MAP3K5: variants seen among roughly 807,000 people sequenced by gnomAD.
MAP3K5 encodes the protein mitogen-activated protein kinase kinase kinase 5.
Under a neutral mutation model 158.7 loss-of-function variants are expected in MAP3K5, and 56 were observed. The observed-to-expected ratio is 0.35, with a 90% CI of 0.28 to 0.44. The LOEUF (loss-of-function observed/expected upper bound fraction) is 0.44, where lower values mean the gene tolerates loss of function less well. MAP3K5 is among the 20% of genes least tolerant of loss of function. MAP3K5 has a pLI of 1.00. For synonymous variants in MAP3K5, 579 were observed against 601.7 expected, an observed-to-expected ratio of 0.96 and a Z score of 0.55; for missense variants, 1,294 against 1,674.8, an observed-to-expected ratio of 0.77 and a Z score of 3.97.
At chr6:136,590,178 G>A (rs190052686) in intron 23 of MAP3K5, among the ~76,000 whole-genome samples, 236 of 152,266 alleles carry the variant, frequency 1.5e-3, no homozygotes, top group African/African-American at 5.5e-3. Context: ...AGTTGAAGCA[G>A]CATGAGGCCC....
intron 1 of MAP3K5, among the ~76,000 whole-genome samples, chr6:136,752,592 A>G (rs1783263750): frequency 6.6e-6 from 1 of 152,010 alleles, no homozygotes; most frequent in South Asian, 2.1e-4. Flanking sequence ...TTGTATTTTT[A>G]GTAGAGATGG....
Position 136,613,372 on chromosome 6 carries a change from GA to G in MAP3K5, c.2279-117del. ...TCATTGGTTCTTCACAGTGGCCCAG[GA>G]GCTATACTGGATATCGGGCTCAAAC... On this transcript the variant is annotated intron_variant, in intron 16 of 29. Coordinates refer to ENST00000359015, the MANE Select transcript of MAP3K5 (RefSeq NM_005923.4). The surrounding 1 kb of genome is among the most constrained non-coding windows in gnomAD (Gnocchi z 4.0). 4 of 812,718 alleles carry G rather than the reference GA, an allele frequency of 4.9e-6. No individual in the cohort carries two copies. The South Asian group carries it at 8.8e-5, about 18-fold the overall frequency. The allele number at this position is 812,718 out of a possible 1,614,324, so 50.3% of individuals were successfully genotyped here. A position where few individuals can be genotyped will look rare whatever the true frequency, so the allele number is the denominator to read the frequency against.
chr6:136,639,557 T>C lies in MAP3K5; in HGVS notation c.1920A>G (p.Glu640=), dbSNP rs1346804871. The C allele has an allele frequency of 6.3e-7, 1 of 1,585,056 alleles. No individual in the cohort carries two copies. Among genetic ancestry groups the C allele is most frequent in the Non-Finnish European group, 8.6e-7 (1 of 1,162,902 alleles). ...SDDFQIYFCT[E]LHCKKFFEMV... is the part of the protein sequence containing the mutation. ...CTAATACGTACTTTTTACAATGAAGTTCTGTACAGAAATAGATTTGGAAAT... is the reference window on the plus strand; with the variant it reads ...CTAATACGTACTTTTTACAATGAAGCTCTGTACAGAAATAGATTTGGAAAT... The change falls in exon 13 of 30, where the codon GAA becomes GAG. Residue 640 remains glutamate, a synonymous_variant. Transcript: ENST00000359015.
chr6:136,775,777 T>C (rs1368037510), intron 1 of MAP3K5, among the ~76,000 whole-genome samples: 1 of 152,214 alleles, frequency 6.6e-6, no homozygotes, highest in South Asian at 2.1e-4. Context: ...ACAGTGCAAT[T>C]TTGCTTGAAA....
intron 20 of MAP3K5, among the ~76,000 whole-genome samples, chr6:136,601,402 G>C (rs1173422747): frequency 6.6e-6 from 1 of 152,010 alleles, no homozygotes; most frequent in African/African-American, 2.4e-5. Context: ...TGCCTTAAAA[G>C]AACCTATTAC....
chr6:136,599,323 C>A (rs1562535531), intron 21 of MAP3K5, among the ~76,000 whole-genome samples: 1 of 152,066 alleles, frequency 6.6e-6, no homozygotes, highest in African/African-American at 2.4e-5. Flanking sequence ...GGGACTGCCC[C>A]TTTTTCTAGG....
At chr6:136,654,193 GATCCCTTACACA>G (rs1778643262) in intron 10 of MAP3K5, among the ~76,000 whole-genome samples, 1 of 152,148 alleles carries the variant, frequency 6.6e-6, no homozygotes, top group Non-Finnish European at 1.5e-5. Flanking sequence ...AGGTCCTCAG[GATCCCTTACACA>G]ATCCTATCAT....
At chr6:136,689,271 G>T (rs1301296347) in intron 7 of MAP3K5, among the ~76,000 whole-genome samples, 1 of 152,216 alleles carries the variant, frequency 6.6e-6, no homozygotes, top group Non-Finnish European at 1.5e-5. Context: ...CTGTACTCCA[G>T]CCTAGACAAC....
intron 21 of MAP3K5, among the ~76,000 whole-genome samples, chr6:136,596,812 C>T (rs769995883): frequency 6.6e-6 from 1 of 152,178 alleles, no homozygotes; most frequent in Non-Finnish European, 1.5e-5. Context: ...ATGACGATTT[C>T]CAGGCAAGTG....
intron 15 of MAP3K5, among the ~76,000 whole-genome samples, chr6:136,618,225 CT>C (rs956832046): frequency 1.3e-5 from 2 of 152,220 alleles, no homozygotes; most frequent in African/African-American, 4.8e-5. Context: ...TGCTTTGTAA[CT>C]GTAACTGCTA....
At chr6:136,730,518 G>A (rs938555886) in intron 1 of MAP3K5, among the ~76,000 whole-genome samples, 1 of 151,402 alleles carries the variant, frequency 6.6e-6, no homozygotes, top group Admixed American at 6.6e-5. Flanking sequence ...TCAGGAGATC[G>A]AGACCATCCT....
At chr6:136,636,848 A>G (rs1777661026) in intron 14 of MAP3K5, 5 of 987,336 alleles carry the variant, frequency 5.1e-6, no homozygotes, top group Non-Finnish European at 6.0e-6. Flanking sequence ...ACATTAATAA[A>G]AGGATTCCAG....
chr6:136,576,238 C>G (rs1014962902), intron 25 of MAP3K5, among the ~76,000 whole-genome samples: 1 of 152,044 alleles, frequency 6.6e-6, no homozygotes, highest in Non-Finnish European at 1.5e-5. Flanking sequence ...TTCAGGTTGG[C>G]TCTAGTGTCC....
intron 13 of MAP3K5, 43 bp downstream of exon 13, chr6:136,639,500 C>G (rs1364306449): frequency 1.9e-6 from 2 of 1,056,704 alleles, no homozygotes; most frequent in African/African-American, 3.2e-5. Context: ...AAATAATGAT[C>G]AGGTAAGAAG....
intron 14 of MAP3K5, among the ~76,000 whole-genome samples, chr6:136,625,441 A>G (rs1179805877): frequency 6.6e-6 from 1 of 152,212 alleles, no homozygotes; most frequent in Non-Finnish European, 1.5e-5. Flanking sequence ...ACACAAAACC[A>G]GGCCCTTGGT....
intron 29 of MAP3K5, 30 bp from the exon 30 acceptor site, chr6:136,557,848 C>G (rs533774529): frequency 3.4e-6 from 5 of 1,468,240 alleles, no homozygotes; most frequent in Non-Finnish European, 1.9e-6. Context: ...CATGGTGAAA[C>G]GAACATTTCA....
At chr6:136,678,697 C>G (rs1314472756) in intron 7 of MAP3K5, among the ~76,000 whole-genome samples, 1 of 151,748 alleles carries the variant, frequency 6.6e-6, no homozygotes, top group East Asian at 1.9e-4. Flanking sequence ...TTTATTTTAG[C>G]ACTAAATATT....
chr6:136,580,794 T>C (rs1004943277), intron 24 of MAP3K5, among the ~76,000 whole-genome samples: 1 of 152,128 alleles, frequency 6.6e-6, no homozygotes, highest in Admixed American at 6.5e-5. Flanking sequence ...TTATTTTCAA[T>C]TACTTCTTCT....
chr6:136,647,569 T>C (rs1349770954), intron 11 of MAP3K5, among the ~76,000 whole-genome samples: 1 of 152,144 alleles, frequency 6.6e-6, no homozygotes, highest in African/African-American at 2.4e-5. Context: ...CTTCCTAGCT[T>C]ACATAGCACT....
Sources: gnomAD v4.1 joint callset for allele counts (sites outside exome capture counted in the v4.1 genomes callset) on GRCh38, gnomAD v4.1.1 for gene constraint, Gnocchi (gnomAD v3.1) non-coding constraint, MANE v1.5 for transcripts, NCBI Gene and HGNC (gene_info 2026-07-23, HGNC 2026-07-21) for gene names.